The following LRP5 variants were observed in gnomAD, a reference collection of about 807,000 sequenced individuals.
The protein encoded by LRP5 is low-density lipoprotein receptor-related protein 5.
In LRP5, 62 loss-of-function variants were observed where a neutral mutation model predicts 154.1. The observed-to-expected ratio is 0.40, with a 90% CI of 0.33 to 0.50. The LOEUF is 0.50. Among genes scored for constraint, LRP5 ranks in the 20% least tolerant of loss-of-function variants. LRP5 has a pLI of 0.55. For synonymous variants in LRP5, 966 were observed against 1,011.5 expected, an observed-to-expected ratio of 0.96 and a Z score of 0.85; for missense variants, 1,915 against 2,336.7, an observed-to-expected ratio of 0.82 and a Z score of 3.72.
chr11:68,406,550 G>A lies in LRP5; in HGVS notation c.1828G>A (p.Gly610Arg), dbSNP rs80358313. Residue 610 changes from glycine to arginine, a missense_variant, in exon 9 of 23, where the codon GGG becomes AGG. Around this residue, in one of 3 missense-constraint regions of LRP5, gnomAD observed 773 missense variants for 1,100.9 expected, o/e 0.70. Transcript: ENST00000294304. ...VGTNPCADRNGGCSHLCFFTP... is the reference protein window; with the variant it reads ...VGTNPCADRNRGCSHLCFFTP... ...AACCAACCCGTGTGCGGACAGGAAC[G>A]GGGGGTGCAGCCACCTGTGCTTCTT... The A allele has an allele frequency of 1.8e-5, 29 of 1,613,960 alleles. No individual in the cohort carries two copies. Among genetic ancestry groups the A allele is most frequent in the African/African-American group, 2.7e-5 (2 of 74,910 alleles).
intron 1 of LRP5, among the ~76,000 whole-genome samples, chr11:68,326,296 C>T (rs993605162): frequency 2.0e-5 from 3 of 152,186 alleles, no homozygotes; most frequent in Non-Finnish European, 4.4e-5. Context: ...GAGCAGTCCC[C>T]GCCTCTCCTT....
chr11:68,321,081 G>A, intron 1 of LRP5, among the ~76,000 whole-genome samples: 1 of 42,598 alleles, frequency 2.3e-5, no homozygotes, highest in Non-Finnish European at 4.3e-5. Context: ...TTTTTTTTTT[G>A]TATATGGTAT....
At chr11:68,395,633 A>G (rs1001083077) in intron 7 of LRP5, among the ~76,000 whole-genome samples, 1 of 151,968 alleles carries the variant, frequency 6.6e-6, no homozygotes, top group Admixed American at 6.5e-5. Flanking sequence ...CTACCTCATC[A>G]TGGGTCCCTT....
chr11:68,353,483 C>A lies in LRP5; in HGVS notation c.489-4167C>A, dbSNP rs948802755. Among the ~76,000 whole-genome samples, 2 of 152,170 alleles carry A rather than the reference C, an allele frequency of 1.3e-5. No individual in the cohort carries two copies. Among genetic ancestry groups the A allele is most frequent in the Non-Finnish European group, 2.9e-5 (2 of 68,032 alleles). On this transcript the variant is annotated intron_variant, in intron 2 of 22. Coordinates refer to ENST00000294304, the MANE Select transcript of LRP5 (RefSeq NM_002335.4). This position sits in a 1 kb window ranked among gnomAD's most constrained non-coding sequence, Gnocchi z 4.5. The stretch of plus-strand genomic sequence containing the variant: ...GGATTCCAGCCTGTCACAGCGCCCG[C>A]GGCAGCAACCCCTGCTCGCCAAATA...
intron 3 of LRP5, among the ~76,000 whole-genome samples, chr11:68,362,882 G>A (rs1394439905): frequency 2.0e-5 from 3 of 152,126 alleles, no homozygotes; most frequent in African/African-American, 7.2e-5. Flanking sequence ...ACGTGGCGGG[G>A]ACCCTCTGCC....
intron 7 of LRP5, among the ~76,000 whole-genome samples, chr11:68,401,044 G>A (rs374408513): frequency 5.9e-5 from 9 of 152,304 alleles, no homozygotes; most frequent in African/African-American, 2.2e-4. Flanking sequence ...AGTGGAAGAA[G>A]GGGAAAGGGT....
chr11:68,320,651 A>G (rs1454702828), intron 1 of LRP5, among the ~76,000 whole-genome samples: 1 of 151,898 alleles, frequency 6.6e-6, no homozygotes, highest in Non-Finnish European at 1.5e-5. Flanking sequence ...TGGTAGAGAC[A>G]GGGTTTCACC....
At chr11:68,363,979 G>A in intron 4 of LRP5, 36 bp downstream of exon 4, 3 of 1,204,242 alleles carry the variant, frequency 2.5e-6, no homozygotes, top group South Asian at 1.5e-5. Context: ...CGAGGGTGCG[G>A]GGGCTGGGGG....
At chr11:68,398,869 G>A (rs187443202) in intron 7 of LRP5, among the ~76,000 whole-genome samples, 12 of 152,136 alleles carry the variant, frequency 7.9e-5, no homozygotes, top group Admixed American at 3.9e-4. Context: ...TGAGTAGCGG[G>A]GACTACGGGT....
At chr11:68,301,700 G>A in the LRP5 span, among the ~76,000 whole-genome samples, 5 of 143,264 alleles carry the variant, frequency 3.5e-5, 1 homozygote, top group Non-Finnish European at 7.9e-5. Context: ...TCGGCTCACT[G>A]CAAGCTCCAC....
At chr11:68,342,369 C>T (rs571552415) in intron 1 of LRP5, among the ~76,000 whole-genome samples, 9 of 152,190 alleles carry the variant, frequency 5.9e-5, no homozygotes, top group East Asian at 1.9e-4. Flanking sequence ...GGCCTTGGTG[C>T]GAGGCCCTCC....
Position 68,404,424 on chromosome 11 carries a change from G to A in LRP5, c.1801+725G>A, listed in dbSNP as rs576510976. 1.2e-3 allele frequency: 628 copies of A among 504,820 alleles called. 1 individual carries two copies. The highest frequency in any genetic ancestry group is 1.9e-3 in the Non-Finnish European group (474 of 256,106). 31.3% of individuals were successfully genotyped at this position (504,820 alleles called of 1,614,324 possible). ...CATTGCCTGCAGTCCTGGGTGAGAT[G>A]CCCGGGTTGACTCTGCTGCCCGTCG... is the stretch of plus-strand genomic sequence containing the variant. On this transcript the variant is annotated intron_variant, in intron 8 of 22. Coordinates refer to ENST00000294304, the MANE Select transcript of LRP5 (RefSeq NM_002335.4).
At chr11:68,419,190 T>C (rs1042285345) in intron 13 of LRP5, among the ~76,000 whole-genome samples, 4 of 152,198 alleles carry the variant, frequency 2.6e-5, no homozygotes, top group African/African-American at 9.7e-5. Context: ...TTATTTTTTA[T>C]TGTGGTAAAT....
chr11:68,309,627 T>G (rs565844637), upstream of LRP5, among the ~76,000 whole-genome samples: 1 of 151,880 alleles, frequency 6.6e-6, no homozygotes, highest in African/African-American at 2.4e-5. Flanking sequence ...TATGTAATCA[T>G]TTCAATAACT....
chr11:68,346,677 T>C (rs1384112454), intron 1 of LRP5, among the ~76,000 whole-genome samples: 1 of 152,240 alleles, frequency 6.6e-6, no homozygotes, highest in Non-Finnish European at 1.5e-5. Context: ...TCTGCAGTTT[T>C]CATGAGGAAT....
intron 5 of LRP5, among the ~76,000 whole-genome samples, chr11:68,370,969 AGTTCACT>A (rs2153143382): frequency 6.6e-6 from 1 of 152,228 alleles, no homozygotes; most frequent in East Asian, 1.9e-4. Context: ...TGAGCGTTTC[AGTTCACT>A]TTTTTTTGTA....
chr11:68,390,434 G>A (rs1010032313), intron 7 of LRP5, among the ~76,000 whole-genome samples: 1 of 152,248 alleles, frequency 6.6e-6, no homozygotes, highest in African/African-American at 2.4e-5. Context: ...AAGACAAAAA[G>A]TTAATCACAT....
At chr11:68,363,026 C>A (rs558438234) in intron 3 of LRP5, among the ~76,000 whole-genome samples, 5 of 152,264 alleles carry the variant, frequency 3.3e-5, no homozygotes, top group Non-Finnish European at 5.9e-5. Flanking sequence ...TCCTCATTTG[C>A]TGGGCACTGT....
chr11:68,376,171 CTTTTTT>C (rs60401481), intron 5 of LRP5, among the ~76,000 whole-genome samples: 15 of 92,840 alleles, frequency 1.6e-4, no homozygotes, highest in Non-Finnish European at 2.1e-4. Flanking sequence ...GGCCCTGCTT[CTTTTTT>C]TTTTTTTTTT....
Sources: allele counts gnomAD v4.1 joint callset (sites outside exome capture counted in the v4.1 genomes callset), GRCh38; gene constraint gnomAD v4.1.1; regional missense constraint gnomAD v4.1.1; non-coding constraint Gnocchi (gnomAD v3.1); transcripts MANE v1.5; gene names NCBI Gene and HGNC (gene_info 2026-07-23, HGNC 2026-07-21).